LMX1B: variants seen among roughly 807,000 people sequenced by gnomAD.
LMX1B encodes the protein LIM homeobox transcription factor 1-beta.
Under a neutral mutation model 51.4 loss-of-function variants are expected in LMX1B, and 12 were observed. That is an observed-to-expected ratio of 0.23 (90% CI 0.15 to 0.38). LMX1B has a LOEUF of 0.38. Ranked by LOEUF, LMX1B falls within the 10% of genes least tolerant of loss-of-function variation. LMX1B has a pLI of 1.00. For synonymous variants in LMX1B, 237 were observed against 235.4 expected, an observed-to-expected ratio of 1.01 and a Z score of -0.06; for missense variants, 445 against 571.1, an observed-to-expected ratio of 0.78 and a Z score of 2.25.
At chr9:126,637,575 G>A (rs549401815) in intron 2 of LMX1B, among the ~76,000 whole-genome samples, 3 of 152,194 alleles carry the variant, frequency 2.0e-5, no homozygotes, top group African/African-American at 4.8e-5. Flanking sequence ...GCCATTGTGG[G>A]CTAATGTGTC....
In LMX1B at chr9:126,675,597, C is replaced by T. The variant is rs527486191; in HGVS notation, c.327-15239C>T. On this transcript the variant is annotated intron_variant, in intron 2 of 7. Coordinates refer to ENST00000373474, the MANE Select transcript of LMX1B (RefSeq NM_001174147.2). Reference sequence around the variant, plus strand: ...AAAATTAGCTGGGCGTAGTGGCACACGCCTGTAATCCCAGCTACTCAGGAG... The same window carrying T: ...AAAATTAGCTGGGCGTAGTGGCACATGCCTGTAATCCCAGCTACTCAGGAG... Among the ~76,000 whole-genome samples, 90 of 151,460 alleles carry T rather than the reference C, an allele frequency of 5.9e-4. No individual in the cohort carries two copies. The South Asian group carries it at 6.7e-3, about 11-fold the overall frequency.
chr9:126,665,794 C>T (rs1836332811), intron 2 of LMX1B, among the ~76,000 whole-genome samples: 1 of 152,232 alleles, frequency 6.6e-6, no homozygotes, highest in Non-Finnish European at 1.5e-5. Flanking sequence ...GGGGCCAGCC[C>T]ATGCCAGCCC....
chr9:126,620,109 G>C (rs1835379588), intron 2 of LMX1B, among the ~76,000 whole-genome samples: 1 of 152,150 alleles, frequency 6.6e-6, no homozygotes, highest in East Asian at 1.9e-4. Flanking sequence ...TTGTCTCCAA[G>C]GACACACACC....
At chr9:126,646,602 C>T (rs780502771) in intron 2 of LMX1B, among the ~76,000 whole-genome samples, 10 of 152,228 alleles carry the variant, frequency 6.6e-5, no homozygotes, top group Non-Finnish European at 1.2e-4. Flanking sequence ...GCCCCTCTCC[C>T]GTGGGGCCAG....
chr9:126,623,196 A>T (rs1009897852), intron 2 of LMX1B, among the ~76,000 whole-genome samples: 1 of 151,414 alleles, frequency 6.6e-6, no homozygotes, highest in Admixed American at 6.6e-5. Context: ...TTTTATTTTT[A>T]TTTTTTTTCC....
rs1399636753 is a variant in LMX1B, at chr9:126,641,042, CA to C, written c.326+25474del. ...TCCAAGTGACCTGCCTGGAAGTGAC[CA>C]GGGGAAACGGTCCAAGACGAGTACA... On this transcript the variant is annotated intron_variant, in intron 2 of 7. Transcript: ENST00000373474. This position sits in a 1 kb window ranked among gnomAD's most constrained non-coding sequence, Gnocchi z 4.1. The C allele has an allele frequency of 6.6e-6, 1 of 152,232 alleles. No homozygotes were observed. The highest frequency in any genetic ancestry group is 2.1e-4 in the South Asian group (1 of 4,834). The allele number at this position is 152,232 out of a possible 1,614,324, so 9.4% of individuals were successfully genotyped here. A position where few individuals can be genotyped will look rare whatever the true frequency, so the allele number is the denominator to read the frequency against.
chr9:126,655,256 G>A (rs1415701716), intron 2 of LMX1B, among the ~76,000 whole-genome samples: 1 of 152,232 alleles, frequency 6.6e-6, no homozygotes, highest in African/African-American at 2.4e-5. Flanking sequence ...GGCCTTGTGA[G>A]CCTTGCCGCC....
chr9:126,637,368 T>C (rs1835732764), intron 2 of LMX1B, among the ~76,000 whole-genome samples: 1 of 152,132 alleles, frequency 6.6e-6, no homozygotes, highest in African/African-American at 2.4e-5. Context: ...TCACCCTCTG[T>C]GCCTGTGGCT....
chr9:126,635,776 G>A (rs769135086), intron 2 of LMX1B, among the ~76,000 whole-genome samples: 1 of 152,208 alleles, frequency 6.6e-6, no homozygotes, highest in African/African-American at 2.4e-5. Context: ...GAGTTGTTTG[G>A]ATTAGGGCCT....
intron 2 of LMX1B, among the ~76,000 whole-genome samples, chr9:126,635,871 A>G (rs1208204285): frequency 2.0e-5 from 3 of 152,192 alleles, no homozygotes; most frequent in African/African-American, 7.2e-5. Flanking sequence ...CTGAGGCTTA[A>G]CTGAACACTT....
rs1835289363 is a variant in LMX1B, at chr9:126,615,622, C to T, written c.326+53C>T. The T allele has an allele frequency of 2.0e-6, 3 of 1,520,264 alleles. No homozygotes were observed. The highest frequency in any genetic ancestry group is 1.9e-5 in the Admixed American group (1 of 51,398). 94.2% of individuals were successfully genotyped at this position (1,520,264 alleles called of 1,614,324 possible). A position where few individuals can be genotyped will look rare whatever the true frequency, so the allele number is the denominator to read the frequency against. ...CCACCGCCCGGCACTCGAGCCCGGT[C>T]AGCCCCCTGCCGGGCCCGGCCCGCG... On this transcript the variant is annotated intron_variant, in intron 2 of 7. Transcript: ENST00000373474. This position sits in a 1 kb window ranked among gnomAD's most constrained non-coding sequence, Gnocchi z 6.0.
chr9:126,668,705 C>G (rs1836391757), intron 2 of LMX1B, among the ~76,000 whole-genome samples: 2 of 152,158 alleles, frequency 1.3e-5, no homozygotes, highest in South Asian at 4.1e-4. Context: ...CCACCCACCT[C>G]AGCCTCCCAA....
At chr9:126,638,076 A>C (rs1835746256) in intron 2 of LMX1B, among the ~76,000 whole-genome samples, 1 of 151,808 alleles carries the variant, frequency 6.6e-6, no homozygotes, top group Non-Finnish European at 1.5e-5. Context: ...AGGGTCTGGA[A>C]GCGCCCAGGC....
At chr9:126,655,200 C>T (rs1836089848) in intron 2 of LMX1B, among the ~76,000 whole-genome samples, 1 of 152,232 alleles carries the variant, frequency 6.6e-6, no homozygotes, top group Non-Finnish European at 1.5e-5. Flanking sequence ...GGGCCACTGT[C>T]AGGAGGTTGT....
Position 126,698,181 on chromosome 9 carries a change from T to TG in LMX1B, c.*1730_*1731insG, listed in dbSNP as rs1554729272. On this transcript the variant is annotated 3_prime_UTR_variant, in exon 8 of 8. Coordinates refer to ENST00000373474, the MANE Select transcript of LMX1B (RefSeq NM_001174147.2). ...TGAGCCACCGCACCCAGTCTGCACT[T>TG]ACTGTTTAGACTGAATGAGGGACCG... is the stretch of plus-strand genomic sequence containing the variant. 1 of 152,496 alleles carries TG rather than the reference T, an allele frequency of 6.6e-6. No individual in the cohort carries two copies. The highest frequency in any genetic ancestry group is 1.5e-5 in the Non-Finnish European group (1 of 68,254). 9.4% of individuals were successfully genotyped at this position (152,496 alleles called of 1,614,324 possible). A position where few individuals can be genotyped will look rare whatever the true frequency, so the allele number is the denominator to read the frequency against.
intron 3 of LMX1B, 68 bp downstream of exon 3, chr9:126,691,136 T>C: frequency 7.7e-7 from 1 of 1,291,144 alleles, no homozygotes; most frequent in Non-Finnish European, 1.1e-6. Context: ...TGGAGGGGAG[T>C]CCCGGCTGGA....
rs1413220263 is a variant in LMX1B at position 126,617,722 on chromosome 9, T to A, written c.326+2153T>A. On this transcript the variant is annotated intron_variant, in intron 2 of 7. Transcript: ENST00000373474. ...TCAGTGCAGTCCGGTGTGTTGAGAA[T>A]GATTTTTGGCACAGGGCGAATCTCA... Among the ~76,000 whole-genome samples, 3 of 152,216 alleles carry A rather than the reference T, an allele frequency of 2.0e-5. No homozygotes were observed. In the East Asian group the frequency reaches 5.8e-4, roughly 29 times the overall value.
intron 2 of LMX1B, among the ~76,000 whole-genome samples, chr9:126,621,610 T>C (rs1835410710): frequency 6.6e-6 from 1 of 151,030 alleles, no homozygotes; most frequent in Non-Finnish European, 1.5e-5. Context: ...AGCAACATGA[T>C]TTGGTTCCCC....
Position 126,615,634 on chromosome 9 carries a change from G to A in LMX1B, c.326+65G>A. 1 of 1,478,828 alleles carries A rather than the reference G, an allele frequency of 6.8e-7. No homozygotes were observed. The highest frequency in any genetic ancestry group is 9.1e-7 in the Non-Finnish European group (1 of 1,093,010). 91.6% of individuals were successfully genotyped at this position (1,478,828 alleles called of 1,614,324 possible). A position where few individuals can be genotyped will look rare whatever the true frequency, so the allele number is the denominator to read the frequency against. On this transcript the variant is annotated intron_variant, in intron 2 of 7. Transcript: ENST00000373474. The surrounding 1 kb of genome is among the most constrained non-coding windows in gnomAD (Gnocchi z 6.0). ...ACTCGAGCCCGGTCAGCCCCCTGCC[G>A]GGCCCGGCCCGCGCCCGCTCTGCCG...
Sources: allele counts gnomAD v4.1 joint callset (sites outside exome capture counted in the v4.1 genomes callset), GRCh38; gene constraint gnomAD v4.1.1; non-coding constraint Gnocchi (gnomAD v3.1); transcripts MANE v1.5; gene names NCBI Gene and HGNC (gene_info 2026-07-23, HGNC 2026-07-21).